Variants in XK observed in about 807,000 individuals in gnomAD.
The protein encoded by XK is endoplasmic reticulum membrane adapter protein XK.
A neutral mutation model predicts 14.0 loss-of-function variants in XK; 2 were observed. That is an observed-to-expected ratio of 0.14 (90% CI 0.06 to 0.45). XK has a LOEUF of 0.45. Among genes scored for constraint, XK ranks in the 20% least tolerant of loss-of-function variants. XK has a pLI of 0.98. For synonymous variants in XK, 149 were observed against 147.5 expected (o/e 1.01, Z -0.08); for missense variants, 235 against 341.5 (o/e 0.69, Z 2.46).
chrX:37,694,288 G>A lies in XK; in HGVS notation c.248G>A (p.Cys83Tyr), dbSNP rs1602145834. ...HLLQLGPLFR[C>Y]FEVFCIYFQS... Reference sequence around the variant, plus strand: ...ATGATTTCCTGATTTGTTTTCAGGTGTTTTGAAGTCTTCTGCATCTACTTT... The same window carrying A: ...ATGATTTCCTGATTTGTTTTCAGGTATTTTGAAGTCTTCTGCATCTACTTT... Residue 83 changes from cysteine (C) to tyrosine (Y), a missense_variant and splice_region_variant, in exon 2 of 3, where the codon TGT becomes TAT. Physicochemically the swap from Cys to Tyr is radical, Grantham distance 194 (BLOSUM62 -2). Transcript: ENST00000378616. The A allele has an allele frequency of 2.5e-6, 3 of 1,211,944 alleles. No individual in the cohort carries two copies. Among genetic ancestry groups the A allele is most frequent in the Admixed American group, 2.2e-5 (1 of 46,110 alleles).
intron 2 of XK, among the ~76,000 whole-genome samples, chrX:37,697,833 C>G (rs1407731158): frequency 2.7e-5 from 3 of 112,036 alleles, no homozygotes; most frequent in Non-Finnish European, 5.6e-5. Context: ...TTTCCCCTGC[C>G]CCTAGCCCCT....
chrX:37,707,054 A>G (rs1556445340), intron 2 of XK, among the ~76,000 whole-genome samples: 1 of 112,492 alleles, frequency 8.9e-6, no homozygotes, highest in Non-Finnish European at 1.9e-5. Context: ...CACAGCAACC[A>G]TCCGATTTCT....
intron 2 of XK, among the ~76,000 whole-genome samples, chrX:37,715,742 T>G (rs1391405357): frequency 2.7e-5 from 3 of 111,993 alleles, no homozygotes; most frequent in African/African-American, 9.7e-5. Context: ...CAGTATAGTA[T>G]ACATAGCTGC....
chrX:37,700,316 T>C (rs1927387630), intron 2 of XK, among the ~76,000 whole-genome samples: 1 of 111,624 alleles, frequency 9.0e-6, no homozygotes. Flanking sequence ...GGAGGGATGC[T>C]TGGGTCTGAG....
intron 2 of XK, among the ~76,000 whole-genome samples, chrX:37,711,422 G>T (rs1434923199): frequency 1.8e-5 from 2 of 112,524 alleles, no homozygotes; most frequent in African/African-American, 6.5e-5. Context: ...CTGATGAGAA[G>T]TGTGGGTAAG....
intron 2 of XK, among the ~76,000 whole-genome samples, chrX:37,715,903 C>T (rs782048503): frequency 9.0e-6 from 1 of 111,145 alleles, no homozygotes; most frequent in Non-Finnish European, 1.9e-5. Context: ...AGAATGCTTC[C>T]ATCCACCCAC....
chrX:37,702,028 C>T (rs1013276566), intron 2 of XK, among the ~76,000 whole-genome samples: 6 of 111,973 alleles, frequency 5.4e-5, no homozygotes, highest in African/African-American at 2.0e-4. Flanking sequence ...AAGGAAATAG[C>T]GGTTATGTGT....
chrX:37,697,334 C>T (rs782668436), intron 2 of XK, among the ~76,000 whole-genome samples: 2 of 112,135 alleles, frequency 1.8e-5, no homozygotes, highest in Non-Finnish European at 3.8e-5. Context: ...TCATGGCCTG[C>T]GTGTGGTTGG....
chrX:37,686,400 T>G (rs1556440190), intron 1 of XK, among the ~76,000 whole-genome samples, 194 bp downstream of exon 1: 1 of 112,282 alleles, frequency 8.9e-6, no homozygotes, highest in Non-Finnish European at 1.9e-5. Flanking sequence ...GGTTATAAAG[T>G]TGGGGCACAC....
At position 37,704,656 on chromosome X, in the gene XK, T is replaced by C. The variant is rs782702174; in HGVS notation, c.508+10108T>C. ...TTCAAGACCAGCTTGACCAACATGA[T>C]GAAACCCTGTCTCTACTAAAAATAC... is the stretch of plus-strand genomic sequence containing the variant. On this transcript the variant is annotated intron_variant, in intron 2 of 2. Transcript: ENST00000378616. Among the ~76,000 whole-genome samples, 4 of 111,779 alleles carry C rather than the reference T, an allele frequency of 3.6e-5. No individual in the cohort carries two copies. In the South Asian group the frequency reaches 1.5e-3, roughly 42 times the overall value.
At chrX:37,718,821 T>C (rs1927814418) in intron 2 of XK, among the ~76,000 whole-genome samples, 2 of 111,730 alleles carry the variant, frequency 1.8e-5, no homozygotes, top group Admixed American at 1.9e-4. Context: ...TCTTTTCATG[T>C]CTTTAGTGGC....
At chrX:37,709,901 GCTT>G (rs1927627599) in intron 2 of XK, among the ~76,000 whole-genome samples, 1 of 111,763 alleles carries the variant, frequency 8.9e-6, no homozygotes, top group African/African-American at 3.3e-5. Context: ...AGAGTTTGTA[GCTT>G]CAATTCTTCA....
At chrX:37,692,644 G>A (rs782128130) in intron 1 of XK, among the ~76,000 whole-genome samples, 10 of 111,563 alleles carry the variant, frequency 9.0e-5, no homozygotes, top group Non-Finnish European at 1.3e-4. Context: ...CAGGTGATCC[G>A]CCTGCCTCAG....
At chrX:37,722,693 T>A (rs1182113462) in intron 2 of XK, among the ~76,000 whole-genome samples, 1 of 112,093 alleles carries the variant, frequency 8.9e-6, no homozygotes, top group Non-Finnish European at 1.9e-5. Context: ...ATGAGTTCAG[T>A]CATTTTACTG....
intron 2 of XK, among the ~76,000 whole-genome samples, chrX:37,701,481 G>C (rs1164204657): frequency 8.9e-6 from 1 of 112,590 alleles, no homozygotes; most frequent in Non-Finnish European, 1.9e-5. Flanking sequence ...GCCACATTCT[G>C]CTGCCTGTTG....
intron 2 of XK, among the ~76,000 whole-genome samples, chrX:37,700,074 C>T (rs946494402): frequency 7.2e-5 from 8 of 111,841 alleles, no homozygotes; most frequent in South Asian, 3.9e-4. Flanking sequence ...CGGCTTTCTG[C>T]GAGGTCAGTA....
chrX:37,686,129 C>T lies in XK; in HGVS notation c.168C>T (p.Leu56=), dbSNP rs782167001. The T allele has an allele frequency of 3.3e-6, 4 of 1,210,867 alleles. No individual in the cohort carries two copies. Among genetic ancestry groups the T allele is most frequent in the East Asian group, 3.0e-5 (1 of 33,825 alleles). ...LPCALVQLTL[L]FVHRDLSRDR... ...GCGCGCTCGTGCAGCTCACGCTTCT[C>T]TTCGTACACCGCGACCTCAGCCGCG... is the stretch of plus-strand genomic sequence containing the variant. The change falls in exon 1 of 3, where the codon CTC becomes CTT. Residue 56 remains leucine (L), a synonymous_variant. Coordinates refer to ENST00000378616, the MANE Select transcript of XK (RefSeq NM_021083.4).
intron 1 of XK, among the ~76,000 whole-genome samples, chrX:37,693,476 CGT>C (rs781954179): frequency 3.1e-5 from 3 of 95,931 alleles, no homozygotes; most frequent in African/African-American, 1.2e-4. Flanking sequence ...TCTATCAATT[CGT>C]GTGTGTGTGT....
At chrX:37,707,422 G>C (rs1205752896) in intron 2 of XK, among the ~76,000 whole-genome samples, 1 of 107,695 alleles carries the variant, frequency 9.3e-6, no homozygotes, top group Non-Finnish European at 1.9e-5. Context: ...GGTGGCTGCC[G>C]GGCGCAGGGG....
Sources: allele counts gnomAD v4.1 joint callset (sites outside exome capture counted in the v4.1 genomes callset), GRCh38; gene constraint gnomAD v4.1.1; transcripts MANE v1.5; gene names NCBI Gene and HGNC (gene_info 2026-07-23, HGNC 2026-07-21).